The following AFAP1L2 variants were observed in gnomAD, a reference collection of about 807,000 sequenced individuals.
AFAP1L2 encodes the protein actin filament-associated protein 1-like 2.
A neutral mutation model predicts 99.3 loss-of-function variants in AFAP1L2; 46 were observed. The ratio of observed to expected loss-of-function variants is 0.46; its 90% CI spans 0.37 to 0.59. AFAP1L2 has a LOEUF of 0.59. AFAP1L2 is among the 20% of genes least tolerant of loss of function. AFAP1L2 has a pLI of 0.00. For synonymous variants in AFAP1L2, 397 were observed against 419.1 expected (o/e 0.95, Z 0.64); for missense variants, 959 against 1,034.9 (o/e 0.93, Z 1.01).
intron 5 of AFAP1L2, among the ~76,000 whole-genome samples, chr10:114,317,180 C>A (rs576084307): frequency 6.6e-6 from 1 of 152,370 alleles, no homozygotes; most frequent in Admixed American, 6.5e-5. Context: ...TACTAAGAAG[C>A]ACATTTGAAA....
At chr10:114,333,941 T>C (rs550196305) in intron 2 of AFAP1L2, among the ~76,000 whole-genome samples, 6 of 152,362 alleles carry the variant, frequency 3.9e-5, no homozygotes, top group African/African-American at 1.4e-4. Flanking sequence ...ATTCTCACCC[T>C]AGTCTGAATT....
rs530899565 is a variant in AFAP1L2 at position 114,301,345 on chromosome 10, G to A, written c.1542+9C>T. 11 of 1,610,668 alleles carry A rather than the reference G, an allele frequency of 6.8e-6. No individual in the cohort carries two copies. The South Asian group carries it at 1.2e-4, about 18-fold the overall frequency. ...AGAGGCCCAGGCCACTGCCTGGCCG[G>A]GTCCTTACCGCAGCTGTGAGCTCTG... On this transcript the variant is annotated intron_variant, in intron 13 of 18. Coordinates refer to ENST00000304129, the MANE Select transcript of AFAP1L2 (RefSeq NM_001001936.3).
rs1197850733 is a variant in AFAP1L2 at position 114,327,166 on chromosome 10, TATATA to T, written c.316-3910_316-3906del. Among the ~76,000 whole-genome samples, 27 of 84,684 alleles carry T rather than the reference TATATA, an allele frequency of 3.2e-4. 1 individual carries two copies. The highest frequency in any genetic ancestry group is 7.4e-4 in the African/African-American group (25 of 33,970). 55.6% of individuals were successfully genotyped at this position (84,684 alleles called of 152,430 possible). ...ATATATTTATATATATATATATATA[TATATA>T]TATTTTTTTTTTAGGCAGAGTCTCA... On this transcript the variant is annotated intron_variant, in intron 4 of 18. Transcript: ENST00000304129.
Position 114,361,935 on chromosome 10 carries a change from A to T in AFAP1L2, c.17-21204T>A, listed in dbSNP as rs111341131. On this transcript the variant is annotated intron_variant, in intron 1 of 18. Coordinates refer to ENST00000304129, the MANE Select transcript of AFAP1L2 (RefSeq NM_001001936.3). ...TTCTGGTATTCTTCTGCGATTCTCTATGCAAAAATGGATGGTAGGATATTT... is the reference window on the plus strand; with the variant it reads ...TTCTGGTATTCTTCTGCGATTCTCTTTGCAAAAATGGATGGTAGGATATTT... 4.1e-3 allele frequency among the ~76,000 whole-genome samples: 627 copies of T among 152,242 alleles called. 8 individuals are homozygous for T. The highest frequency in any genetic ancestry group is 0.014 in the African/African-American group (594 of 41,544).
At chr10:114,290,879 T>A (rs1310278305), downstream of AFAP1L2, among the ~76,000 whole-genome samples, 1 of 152,070 alleles carries the variant, frequency 6.6e-6, no homozygotes, top group Non-Finnish European at 1.5e-5. Flanking sequence ...AAGAAGTCAT[T>A]GTCAAGGGTA....
intron 1 of AFAP1L2, among the ~76,000 whole-genome samples, chr10:114,403,144 A>AAGCT (rs2058380958): frequency 6.6e-6 from 1 of 152,218 alleles, no homozygotes. Context: ...AATGCGAGAG[A>AAGCT]AGCTCCAGGG....
rs146002763 is a variant in AFAP1L2, at chr10:114,350,623, G to A, written c.17-9892C>T. Among the ~76,000 whole-genome samples the A allele has an allele frequency of 2.1e-4, 32 of 152,258 alleles. No individual in the cohort carries two copies. The East Asian group carries it at 3.7e-3, about 17-fold the overall frequency. On this transcript the variant is annotated intron_variant, in intron 1 of 18. Transcript: ENST00000304129. The stretch of plus-strand genomic sequence containing the variant: ...ACAAGTCCCATCTGGGCCAGTTAAC[G>A]TCTCTAAAACGAGCCACCAGAGGCA...
the AFAP1L2 span, among the ~76,000 whole-genome samples, chr10:114,284,456 G>C: frequency 1.3e-5 from 2 of 152,202 alleles, no homozygotes; most frequent in African/African-American, 2.4e-5. Flanking sequence ...GGATCCGAAG[G>C]CTGGTGTGTT....
chr10:114,351,051 C>A (rs527854137), intron 1 of AFAP1L2, among the ~76,000 whole-genome samples: 1 of 152,170 alleles, frequency 6.6e-6, no homozygotes, highest in Non-Finnish European at 1.5e-5. Context: ...TCTCCCTGCG[C>A]GGCAAGTCCC....
rs1451198283 is a variant in AFAP1L2 at position 114,313,851 on chromosome 10, T to C, written c.792+20A>G. 7 of 1,576,408 alleles carry C rather than the reference T, an allele frequency of 4.4e-6. No homozygotes were observed. The highest frequency in any genetic ancestry group is 6.0e-6 in the Non-Finnish European group (7 of 1,158,730). Reference sequence around the variant, plus strand: ...CCACAACTCTAGGAACCCCTCCAAGTGGCTCGGTGTCGCCCTCACCCTGAG... The same window carrying C: ...CCACAACTCTAGGAACCCCTCCAAGCGGCTCGGTGTCGCCCTCACCCTGAG... On this transcript the variant is annotated intron_variant, in intron 7 of 18. Coordinates refer to ENST00000304129, the MANE Select transcript of AFAP1L2 (RefSeq NM_001001936.3).
rs545771394 is a variant in AFAP1L2, at chr10:114,384,816, G to A, written c.16+19624C>T. Among the ~76,000 whole-genome samples, 7 of 152,312 alleles carry A rather than the reference G, an allele frequency of 4.6e-5. No homozygotes were observed. In the South Asian group the frequency reaches 1.2e-3, roughly 27 times the overall value. On this transcript the variant is annotated intron_variant, in intron 1 of 18. Transcript: ENST00000304129. The stretch of plus-strand genomic sequence containing the variant: ...TCCTCCATGTGCCCACAGCAGTGCG[G>A]GGCCCACACACTCAGTGGGGACTTC...
chr10:114,359,670 G>C (rs1237172027), intron 1 of AFAP1L2, among the ~76,000 whole-genome samples: 1 of 152,224 alleles, frequency 6.6e-6, no homozygotes, highest in Non-Finnish European at 1.5e-5. Flanking sequence ...CAAGTGATCT[G>C]TTGGCTTAGT....
chr10:114,307,656 G>T (rs1297121809), intron 10 of AFAP1L2, 149 bp downstream of exon 10: 2 of 654,044 alleles, frequency 3.1e-6, no homozygotes, highest in Admixed American at 2.6e-5. Context: ...AGTAACAACA[G>T]ACGGGAACCT....
At chr10:114,356,367 G>T (rs929723252) in intron 1 of AFAP1L2, among the ~76,000 whole-genome samples, 2 of 152,024 alleles carry the variant, frequency 1.3e-5, no homozygotes, top group Admixed American at 6.6e-5. Context: ...AAAACTTCTG[G>T]TTTCCAAGAA....
intron 16 of AFAP1L2, among the ~76,000 whole-genome samples, chr10:114,298,994 G>A (rs1199770874): frequency 1.6e-4 from 24 of 152,238 alleles, no homozygotes; most frequent in Admixed American, 1.6e-3. Flanking sequence ...GCATAACCCT[G>A]TAAAACTTCC....
intron 1 of AFAP1L2, among the ~76,000 whole-genome samples, chr10:114,382,983 C>T (rs1258386352): frequency 6.6e-6 from 1 of 152,034 alleles, no homozygotes; most frequent in East Asian, 1.9e-4. Flanking sequence ...TGATGGATAC[C>T]CCAAATACCC....
rs370538404 is a variant in AFAP1L2, at chr10:114,308,426, A to T, written c.967+7T>A. 6.2e-6 allele frequency: 10 copies of T among 1,612,748 alleles called. No homozygotes were observed. The highest frequency in any genetic ancestry group is 8.5e-6 in the Non-Finnish European group (10 of 1,178,798). ...ACACCATTCCCCTCCCAACCACATG[A>T]TGTTACCGTCTTTGGTTTCTGGGAC... On this transcript the variant is annotated splice_region_variant and intron_variant, in intron 9 of 18. Coordinates refer to ENST00000304129, the MANE Select transcript of AFAP1L2 (RefSeq NM_001001936.3).
intron 12 of AFAP1L2, 75 bp downstream of exon 12, chr10:114,302,264 G>T: frequency 6.3e-7 from 1 of 1,593,800 alleles, no homozygotes; most frequent in South Asian, 1.1e-5. Flanking sequence ...TGCTGCCCCT[G>T]ACTCTGGCTG....
intron 8 of AFAP1L2, among the ~76,000 whole-genome samples, chr10:114,309,624 T>TC (rs34432404): frequency 0.73 from 111,609 of 151,992 alleles, 43,647 homozygotes; most frequent in Non-Finnish European, 0.86. Flanking sequence ...AGCCTAAAGC[T>TC]CCCCGAAAGC....
Sources: gnomAD v4.1 joint callset for allele counts (sites outside exome capture counted in the v4.1 genomes callset) on GRCh38, gnomAD v4.1.1 for gene constraint, MANE v1.5 for transcripts, NCBI Gene and HGNC (gene_info 2026-07-23, HGNC 2026-07-21) for gene names.